PCDH9: variants seen among roughly 807,000 people sequenced by gnomAD.
The protein encoded by PCDH9 is protocadherin-9.
Under a neutral mutation model 70.6 loss-of-function variants are expected in PCDH9, and 24 were observed. That is an observed-to-expected ratio of 0.34 (90% CI 0.25 to 0.48). PCDH9 has a LOEUF of 0.48. PCDH9 is among the 20% of genes least tolerant of loss of function. The pLI, the probability that PCDH9 is intolerant of heterozygous loss-of-function variation, is 0.99. For missense variants in PCDH9, 1,281 were observed against 1,503.6 expected, an observed-to-expected ratio of 0.85 and a Z score of 2.45; for synonymous variants, 562 against 558.5, an observed-to-expected ratio of 1.01 and a Z score of -0.09.
intron 4 of PCDH9, among the ~76,000 whole-genome samples, chr13:66,620,239 G>A (rs1026734077): frequency 2.6e-5 from 4 of 151,982 alleles, no homozygotes; most frequent in Admixed American, 6.5e-5. Context: ...TTCATTTACC[G>A]TCACTTACTT....
At chr13:66,350,934 G>A (rs1051011948) in intron 4 of PCDH9, among the ~76,000 whole-genome samples, 6 of 152,126 alleles carry the variant, frequency 3.9e-5, no homozygotes, top group Admixed American at 6.6e-5. Context: ...AGGCCAAAAT[G>A]TAATTTATCT....
intron 3 of PCDH9, among the ~76,000 whole-genome samples, chr13:66,780,379 A>G (rs561518748): frequency 6.6e-6 from 1 of 152,166 alleles, no homozygotes; most frequent in Non-Finnish European, 1.5e-5. Context: ...GCATGGTCAT[A>G]TGAGGCTGTG....
At chr13:66,738,547 C>G (rs1205025204) in intron 3 of PCDH9, among the ~76,000 whole-genome samples, 1 of 128,756 alleles carries the variant, frequency 7.8e-6, no homozygotes, top group Non-Finnish European at 1.7e-5. Context: ...TTACTCTGAG[C>G]TACGGGAGGA....
intron 2 of PCDH9, among the ~76,000 whole-genome samples, chr13:67,141,487 C>T (rs965552628): frequency 5.9e-5 from 9 of 151,896 alleles, no homozygotes; most frequent in African/African-American, 1.9e-4. Context: ...GTAGCCCAGG[C>T]TGGAGTGCAG....
At chr13:67,178,660 C>T (rs1594618937) in intron 2 of PCDH9, among the ~76,000 whole-genome samples, 1 of 152,062 alleles carries the variant, frequency 6.6e-6, no homozygotes, top group Admixed American at 6.6e-5. Flanking sequence ...CAGGTCTCTG[C>T]GTATGCTGTT....
intron 4 of PCDH9, among the ~76,000 whole-genome samples, chr13:66,492,698 T>G (rs140003320): frequency 1.4e-4 from 21 of 152,106 alleles, no homozygotes; most frequent in African/African-American, 4.8e-4. Flanking sequence ...AAGCCTCATT[T>G]TGCATGACAG....
At chr13:66,977,139 A>T (rs979143392) in intron 2 of PCDH9, among the ~76,000 whole-genome samples, 32 of 152,124 alleles carry the variant, frequency 2.1e-4, no homozygotes, top group African/African-American at 7.5e-4. Context: ...TCCCTCTGTG[A>T]TAATTAATAA....
intron 4 of PCDH9, among the ~76,000 whole-genome samples, chr13:66,428,327 A>G (rs1957709892): frequency 6.6e-6 from 1 of 151,768 alleles, no homozygotes; most frequent in South Asian, 2.1e-4. Context: ...ATAAACGTCT[A>G]GAACCAATAT....
intron 3 of PCDH9, among the ~76,000 whole-genome samples, chr13:66,759,722 T>A (rs2079593678): frequency 6.6e-6 from 1 of 151,980 alleles, no homozygotes; most frequent in African/African-American, 2.4e-5. Flanking sequence ...ATAAAAACAT[T>A]TTATAATTTT....
rs1242790876 is a variant in PCDH9, at chr13:67,021,723, C to T, written c.3037-118118G>A. ...TACAGGTGCACACAACCACACCTGG[C>T]TAATTTTTGTATTTTTAGTAGAGAC... On this transcript the variant is annotated intron_variant, in intron 2 of 4. Transcript: ENST00000377865. Among the ~76,000 whole-genome samples the T allele has an allele frequency of 7.2e-5, 11 of 152,000 alleles. 1 individual carries two copies. Among genetic ancestry groups the T allele is most frequent in the Non-Finnish European group, 1.5e-4 (10 of 67,994 alleles).
At chr13:66,962,592 C>T (rs2083366323) in intron 2 of PCDH9, among the ~76,000 whole-genome samples, 1 of 152,126 alleles carries the variant, frequency 6.6e-6, no homozygotes, top group African/African-American at 2.4e-5. Flanking sequence ...ATACTGGAGG[C>T]AATCATAACA....
chr13:67,044,730 A>G (rs763851928), intron 2 of PCDH9, among the ~76,000 whole-genome samples: 3 of 152,144 alleles, frequency 2.0e-5, no homozygotes, highest in Non-Finnish European at 4.4e-5. Flanking sequence ...TTAATTATTC[A>G]AGAATATGAG....
At chr13:66,441,151 G>A (rs1266454778) in intron 4 of PCDH9, among the ~76,000 whole-genome samples, 1 of 152,058 alleles carries the variant, frequency 6.6e-6, no homozygotes, top group Admixed American at 6.6e-5. Flanking sequence ...TACATCTCTA[G>A]AACATTAAAA....
At chr13:67,137,593 T>A (rs182090606) in intron 2 of PCDH9, among the ~76,000 whole-genome samples, 14 of 152,306 alleles carry the variant, frequency 9.2e-5, no homozygotes, top group Admixed American at 2.0e-4. Flanking sequence ...AGACATGTAA[T>A]TTTATAATAC....
intron 3 of PCDH9, among the ~76,000 whole-genome samples, chr13:66,887,008 C>G (rs974663587): frequency 6.7e-6 from 1 of 150,106 alleles, no homozygotes; most frequent in African/African-American, 2.5e-5. Context: ...CTCTCTCTCT[C>G]TAATTCACCC....
intron 3 of PCDH9, among the ~76,000 whole-genome samples, chr13:66,751,603 A>G (rs2079460639): frequency 6.6e-6 from 1 of 152,182 alleles, no homozygotes; most frequent in East Asian, 1.9e-4. Flanking sequence ...AAAGCAAGCA[A>G]CTGAAATGTT....
In PCDH9 at chr13:66,303,192, A is replaced by G. The variant is rs1343223857; in HGVS notation, c.*1463T>C. ...AACTTCCACTTCTTTCAATAAAGAC[A>G]TTTTGTTGCATGCTATTTATTTGTT... On this transcript the variant is annotated 3_prime_UTR_variant, in exon 5 of 5. Coordinates refer to ENST00000377865, the MANE Select transcript of PCDH9 (RefSeq NM_203487.3). 6.6e-6 allele frequency: 1 copy of G among 152,086 alleles called. No homozygotes were observed. Among genetic ancestry groups the G allele is most frequent in the African/African-American group, 2.4e-5 (1 of 41,290 alleles). The allele number at this position is 152,086 out of a possible 1,614,324, so 9.4% of individuals were successfully genotyped here. A position where few individuals can be genotyped will look rare whatever the true frequency, so the allele number is the denominator to read the frequency against.
intron 2 of PCDH9, among the ~76,000 whole-genome samples, chr13:67,019,428 C>T (rs370117229): frequency 3.9e-5 from 6 of 151,966 alleles, no homozygotes; most frequent in African/African-American, 1.4e-4. Context: ...ATCTCCTGAC[C>T]TCATGATCCT....
At chr13:66,306,346 C>T (rs778716830) in intron 4 of PCDH9, 5 of 150,460 alleles carry the variant, frequency 3.3e-5, no homozygotes, top group African/African-American at 4.9e-5. Context: ...AAATTCCCAC[C>T]GAGACAGGAA....
Sources: allele counts gnomAD v4.1 joint callset (sites outside exome capture counted in the v4.1 genomes callset), GRCh38; gene constraint gnomAD v4.1.1; transcripts MANE v1.5; gene names NCBI Gene and HGNC (gene_info 2026-07-23, HGNC 2026-07-21).